GRXCR1: variants seen among roughly 807,000 people sequenced by gnomAD.
GRXCR1 encodes glutaredoxin domain-containing cysteine-rich protein 1.
In GRXCR1, 27 loss-of-function variants were observed where a neutral mutation model predicts 27.3. The observed-to-expected ratio is 0.99, with a 90% CI of 0.73 to 1.37. The LOEUF (loss-of-function observed/expected upper bound fraction) is 1.37, where lower values mean the gene tolerates loss of function less well. GRXCR1 is among the 40% of genes most tolerant of loss of function. GRXCR1 has a pLI of 0.00. For missense variants in GRXCR1, 379 were observed against 354.4 expected (o/e 1.07, Z -0.56); for synonymous variants, 122 against 131.1 (o/e 0.93, Z 0.47).
At chr4:42,923,856 C>T (rs1302954617) in intron 1 of GRXCR1, among the ~76,000 whole-genome samples, 1 of 152,084 alleles carries the variant, frequency 6.6e-6, no homozygotes. Context: ...GTGGTACTTT[C>T]ACCCTATTCC....
At chr4:43,007,777 G>A (rs1368985389) in intron 2 of GRXCR1, among the ~76,000 whole-genome samples, 2 of 152,164 alleles carry the variant, frequency 1.3e-5, no homozygotes, top group African/African-American at 2.4e-5. Flanking sequence ...GTAGCTACAT[G>A]CTTTAGCTTA....
At chr4:42,950,994 A>C (rs1432739021) in intron 1 of GRXCR1, among the ~76,000 whole-genome samples, 1 of 151,922 alleles carries the variant, frequency 6.6e-6, no homozygotes, top group Non-Finnish European at 1.5e-5. Context: ...GGCTCATGGG[A>C]TTATGGAGGC....
At chr4:42,923,335 A>G (rs971356345) in intron 1 of GRXCR1, among the ~76,000 whole-genome samples, 1 of 152,090 alleles carries the variant, frequency 6.6e-6, no homozygotes, top group African/African-American at 2.4e-5. Context: ...TTGACCCACA[A>G]TTATTAGGTA....
chr4:42,996,805 T>G (rs1712176012), intron 2 of GRXCR1, among the ~76,000 whole-genome samples: 1 of 151,908 alleles, frequency 6.6e-6, no homozygotes, highest in African/African-American at 2.4e-5. Context: ...TAAAGTCTAA[T>G]AAATATAAAT....
intron 2 of GRXCR1, among the ~76,000 whole-genome samples, chr4:43,000,462 G>A (rs138907467): frequency 0.068 from 8,945 of 131,372 alleles, 388 homozygotes; most frequent in South Asian, 0.14. Context: ...GTGACAGAGC[G>A]AGGCTCTATC....
chr4:42,965,606 T>G (rs943215816), intron 2 of GRXCR1, among the ~76,000 whole-genome samples: 4 of 152,046 alleles, frequency 2.6e-5, no homozygotes, highest in Non-Finnish European at 5.9e-5. Context: ...GTTGGTAATT[T>G]CCTTAACATC....
intron 1 of GRXCR1, among the ~76,000 whole-genome samples, chr4:42,938,070 C>T (rs1480980784): frequency 6.6e-6 from 1 of 151,966 alleles, no homozygotes; most frequent in Non-Finnish European, 1.5e-5. Flanking sequence ...ATTTCCCCCA[C>T]CCACCCACTA....
intron 3 of GRXCR1, among the ~76,000 whole-genome samples, chr4:43,024,551 A>G (rs556983150): frequency 1.3e-5 from 2 of 152,158 alleles, no homozygotes; most frequent in Non-Finnish European, 2.9e-5. Flanking sequence ...GGTTTATGGC[A>G]GTTCATCCCA....
In GRXCR1 at chr4:43,030,309, T is replaced by G; in HGVS notation, c.694-52T>G. On this transcript the variant is annotated intron_variant, in intron 3 of 3. Coordinates refer to ENST00000399770, the MANE Select transcript of GRXCR1 (RefSeq NM_001080476.3). ...AAAGACCGGGAGGCTGATTGAGTTG[T>G]TCATGCTAACACATCCTCTGTTTTC... is the stretch of plus-strand genomic sequence containing the variant. The G allele has an allele frequency of 3.2e-6, 5 of 1,558,618 alleles. No homozygotes were observed. In the South Asian group the frequency reaches 5.6e-5, roughly 17 times the overall value.
At chr4:42,966,939 G>A (rs1252938489) in intron 2 of GRXCR1, among the ~76,000 whole-genome samples, 5 of 151,998 alleles carry the variant, frequency 3.3e-5, no homozygotes, top group Non-Finnish European at 7.4e-5. Context: ...TATTTTGGAT[G>A]ACAGCTCCTT....
chr4:42,953,694 T>G (rs1373775244), intron 1 of GRXCR1, among the ~76,000 whole-genome samples: 1 of 152,166 alleles, frequency 6.6e-6, no homozygotes, highest in East Asian at 1.9e-4. Context: ...TGTGTAATTA[T>G]GAGGTTAAAG....
chr4:43,010,832 C>T (rs982892855), intron 2 of GRXCR1, among the ~76,000 whole-genome samples: 14 of 152,302 alleles, frequency 9.2e-5, no homozygotes, highest in Middle Eastern at 3.4e-3. Flanking sequence ...CTTTTAAAAA[C>T]AAGTTACTAA....
At chr4:42,909,645 C>G (rs7656925) in intron 1 of GRXCR1, among the ~76,000 whole-genome samples, 1 of 152,164 alleles carries the variant, frequency 6.6e-6, no homozygotes, top group East Asian at 1.9e-4. Flanking sequence ...AGTAACTTTA[C>G]GTCTATGTTG....
intron 1 of GRXCR1, among the ~76,000 whole-genome samples, chr4:42,929,613 T>G (rs1747257992): frequency 6.6e-6 from 1 of 151,660 alleles, no homozygotes; most frequent in African/African-American, 2.4e-5. Context: ...GTGGGGGAAG[T>G]GAGTAGGTTT....
chr4:42,933,431 G>T (rs564759414), intron 1 of GRXCR1, among the ~76,000 whole-genome samples: 148 of 152,022 alleles, frequency 9.7e-4, no homozygotes, highest in African/African-American at 3.3e-3. Context: ...TAACTCTCAT[G>T]TAGCAGCAAC....
At chr4:42,962,436 G>A (rs10938227) in intron 1 of GRXCR1, among the ~76,000 whole-genome samples, 30,328 of 151,874 alleles carry the variant, frequency 0.2, 3,757 homozygotes, top group Admixed American at 0.29. Flanking sequence ...CCAGGAAATT[G>A]TTGCCCCAAA....
intron 1 of GRXCR1, among the ~76,000 whole-genome samples, chr4:42,932,599 TATATATATATATATATATATAGAGAG>T (rs1197203663): frequency 1.4e-4 from 8 of 57,726 alleles, no homozygotes; most frequent in East Asian, 5.6e-4. Flanking sequence ...TATATATATA[TATATATATATATATATATATAGAGAG>T]AGAGAGAGAG....
In GRXCR1 at chr4:43,030,609, T is replaced by A. The variant is rs796495255; in HGVS notation, c.*69T>A. 51 of 1,189,310 alleles carry A rather than the reference T, an allele frequency of 4.3e-5. No individual in the cohort carries two copies. In the Middle Eastern group the frequency reaches 1.3e-3, roughly 31 times the overall value. The allele number at this position is 1,189,310 out of a possible 1,614,324, so 73.7% of individuals were successfully genotyped here. The stretch of plus-strand genomic sequence containing the variant: ...GCAATACTTTGGTTTATATATATAT[T>A]TTTAAATGGTTATGTTTATGGATTA... On this transcript the variant is annotated 3_prime_UTR_variant, in exon 4 of 4. Coordinates refer to ENST00000399770, the MANE Select transcript of GRXCR1 (RefSeq NM_001080476.3).
At chr4:42,975,178 G>C (rs1450827663) in intron 2 of GRXCR1, among the ~76,000 whole-genome samples, 1 of 152,028 alleles carries the variant, frequency 6.6e-6, no homozygotes, top group Non-Finnish European at 1.5e-5. Flanking sequence ...AGCATTGTAG[G>C]AGCCAAAAAC....
Sources: allele counts gnomAD v4.1 joint callset (sites outside exome capture counted in the v4.1 genomes callset), GRCh38; gene constraint gnomAD v4.1.1; transcripts MANE v1.5; gene names NCBI Gene and HGNC (gene_info 2026-07-23, HGNC 2026-07-21).